The following RTTN variants were observed in gnomAD, a reference collection of about 807,000 sequenced individuals.
The protein encoded by RTTN is rotatin.
RTTN carries 182 observed loss-of-function variants against 269.2 expected under a neutral mutation model. That is an observed-to-expected ratio of 0.68 (90% CI 0.60 to 0.76). RTTN has a LOEUF of 0.76. RTTN is among the 30% of genes least tolerant of loss of function. The pLI is 0.00. For missense variants in RTTN, 2,545 were observed against 2,608.6 expected (o/e 0.98, Z 0.53); for synonymous variants, 1,006 against 963.5 (o/e 1.04, Z -0.82).
intron 28 of RTTN, 128 bp downstream of exon 28, chr18:70,109,370 C>A: frequency 1.6e-6 from 1 of 624,372 alleles, no homozygotes; most frequent in Non-Finnish European, 2.7e-6. Flanking sequence ...AAACATTTCA[C>A]TATTATGACT....
At chr18:70,197,886 T>C (rs749227804) in intron 5 of RTTN, 148 bp from the exon 6 acceptor site, 4 of 607,614 alleles carry the variant, frequency 6.6e-6, no homozygotes, top group Non-Finnish European at 8.8e-6. Flanking sequence ...ATCTTTTCCC[T>C]AACCAATAAA....
chr18:70,133,402 T>A (rs550733651), intron 23 of RTTN, among the ~76,000 whole-genome samples: 1 of 152,240 alleles, frequency 6.6e-6, no homozygotes, highest in African/African-American at 2.4e-5. Flanking sequence ...AACATAAATA[T>A]CCTATATTCC....
Position 70,092,711 on chromosome 18 carries a change from A to C in RTTN, c.3997T>G (p.Leu1333Val). 1 of 1,613,700 alleles carries C rather than the reference A, an allele frequency of 6.2e-7. No individual in the cohort carries two copies. The highest frequency in any genetic ancestry group is 8.5e-7 in the Non-Finnish European group (1 of 1,179,692). The change falls in exon 29 of 49, where the codon TTA (leucine) becomes GTA (valine). Residue 1333 changes from leucine (L) to valine (V), a missense_variant. Physicochemically the swap from Leu to Val is conservative, Grantham distance 32. Transcript: ENST00000640769. Reference sequence around the variant, plus strand: ...GCCTGGGCCATCATCTCATGGGATAAGTGAAGCAAGCAAAGAATTGTGCTC... The same window carrying C: ...GCCTGGGCCATCATCTCATGGGATACGTGAAGCAAGCAAAGAATTGTGCTC... ...TKSTILCLLH[L>V]SHEMMAQAGS...
chr18:70,108,221 G>A (rs980496381), intron 28 of RTTN, among the ~76,000 whole-genome samples: 2 of 151,814 alleles, frequency 1.3e-5, no homozygotes, highest in African/African-American at 4.8e-5. Context: ...AGGTTGCAGT[G>A]AGCTGAGATC....
intron 11 of RTTN, among the ~76,000 whole-genome samples, chr18:70,173,235 C>G (rs1244448471): frequency 6.6e-6 from 1 of 152,034 alleles, no homozygotes; most frequent in African/African-American, 2.4e-5. Context: ...TGGCTCATGC[C>G]TATAATCCCA....
chr18:70,075,306 C>T (rs1334032921), intron 33 of RTTN, 46 bp downstream of exon 33: 1 of 1,311,258 alleles, frequency 7.6e-7, no homozygotes, highest in Non-Finnish European at 1.0e-6. Flanking sequence ...ACAGTTTTTA[C>T]AAGTTACATA....
In RTTN at chr18:70,166,107, T is replaced by C; in HGVS notation, c.1884A>G (p.Pro628=). The part of the protein sequence containing the change: ...VLLHMLSHPL[P]RVKAETYHCC... ...AGTGGTAAGTTTCAGCTTTCACTCGTGGCAATGGGTGAGACAACATATGGA... is the reference window on the plus strand; with the variant it reads ...AGTGGTAAGTTTCAGCTTTCACTCGCGGCAATGGGTGAGACAACATATGGA... The change falls in exon 14 of 49, where the codon CCA becomes CCG. Residue 628 remains proline, a synonymous_variant. Coordinates refer to ENST00000640769, the MANE Select transcript of RTTN (RefSeq NM_173630.4). The C allele has an allele frequency of 6.2e-7, 1 of 1,613,884 alleles. No individual in the cohort carries two copies. Among genetic ancestry groups the C allele is most frequent in the Non-Finnish European group, 8.5e-7 (1 of 1,179,788 alleles).
intron 46 of RTTN, among the ~76,000 whole-genome samples, chr18:70,016,321 A>C (rs1165247003): frequency 6.6e-6 from 1 of 152,240 alleles, no homozygotes; most frequent in African/African-American, 2.4e-5. Flanking sequence ...AAGAGAATGA[A>C]TCTATCTTAA....
chr18:70,177,892 C>T (rs922555039), intron 10 of RTTN, among the ~76,000 whole-genome samples: 2 of 152,022 alleles, frequency 1.3e-5, no homozygotes, highest in African/African-American at 4.8e-5. Context: ...CTCAAAAAAA[C>T]ACAGAATTAT....
chr18:70,122,275 T>A (rs1370754281), intron 25 of RTTN, among the ~76,000 whole-genome samples: 1 of 151,894 alleles, frequency 6.6e-6, no homozygotes, highest in African/African-American at 2.4e-5. Context: ...AAAACTGGTT[T>A]AAGAGAGCTA....
intron 46 of RTTN, among the ~76,000 whole-genome samples, chr18:70,007,225 G>T (rs1407426281): frequency 6.6e-6 from 1 of 152,136 alleles, no homozygotes; most frequent in Non-Finnish European, 1.5e-5. Context: ...GTGCATTCCG[G>T]CCCAGATACT....
Position 70,142,360 on chromosome 18 carries a change from T to C in RTTN, c.2509A>G (p.Ile837Val), listed in dbSNP as rs1417294761. ...KLETVEKVYE[I>V]FTSDDVDLVL... The stretch of plus-strand genomic sequence containing the variant: ...AGATCAACATCATCTGAGGTGAAGA[T>C]TTCATATACCTTTTCAACAGTCTCC... The change falls in exon 19 of 49, where the codon ATC becomes GTC. Residue 837 changes from isoleucine to valine, a missense_variant. Transcript: ENST00000640769. The C allele has an allele frequency of 6.9e-6, 11 of 1,604,480 alleles. No individual in the cohort carries two copies. The highest frequency in any genetic ancestry group is 9.4e-6 in the Non-Finnish European group (11 of 1,176,254).
Position 70,168,934 on chromosome 18 carries a change from T to C in RTTN, c.1610A>G (p.Tyr537Cys), listed in dbSNP as rs771392638. ...CTCTGCAGTTCGTTTATAAATACTG[T>C]AGTTTTCAGAATTCAGCTGTTCCAA... ...AYLEQLNSEN[Y>C]SIYKRTAEAV... Residue 537 changes from tyrosine to cysteine, a missense_variant, in exon 12 of 49, where the codon TAC (tyrosine) becomes TGC (cysteine). Transcript: ENST00000640769. 4.3e-6 allele frequency: 7 copies of C among 1,613,490 alleles called. No homozygotes were observed. The highest frequency in any genetic ancestry group is 5.9e-6 in the Non-Finnish European group (7 of 1,179,766).
intron 14 of RTTN, among the ~76,000 whole-genome samples, chr18:70,161,287 T>C (rs1167701707): frequency 1.3e-5 from 2 of 152,174 alleles, no homozygotes; most frequent in Admixed American, 1.3e-4. Flanking sequence ...AATAACTGGT[T>C]AGGCGTATTC....
chr18:70,148,915 T>C lies in RTTN; in HGVS notation c.2295A>G (p.Leu765=). Residue 765 remains leucine, a synonymous_variant, in exon 17 of 49, where the codon CTA becomes CTG. Coordinates refer to ENST00000640769, the MANE Select transcript of RTTN (RefSeq NM_173630.4). The part of the protein sequence containing the change: ...TRLKSMLRLL[L]VKKPSVRSLA... ...GTTGTACTCACGATGGCTTTTTCAC[T>C]AGCAAAAGTCGCAGCATGGACTTTA... 1 of 1,613,468 alleles carries C rather than the reference T, an allele frequency of 6.2e-7. No individual in the cohort carries two copies. The highest frequency in any genetic ancestry group is 1.1e-5 in the South Asian group (1 of 91,042).
At chr18:70,198,087 T>C (rs2061855994) in intron 5 of RTTN, among the ~76,000 whole-genome samples, 1 of 152,166 alleles carries the variant, frequency 6.6e-6, no homozygotes, top group South Asian at 2.1e-4. Flanking sequence ...TTCTAGGAAA[T>C]CTGCCAAATA....
At chr18:70,084,914 C>T (rs1484747236) in intron 32 of RTTN, among the ~76,000 whole-genome samples, 2 of 152,104 alleles carry the variant, frequency 1.3e-5, no homozygotes, top group African/African-American at 4.8e-5. Context: ...CCACCAGCAA[C>T]AAACAGGAAC....
At chr18:70,122,070 T>G (rs1226265575) in intron 25 of RTTN, among the ~76,000 whole-genome samples, 1 of 151,994 alleles carries the variant, frequency 6.6e-6, no homozygotes, top group Non-Finnish European at 1.5e-5. Context: ...ATGAGAAGAA[T>G]TAGTACTTCA....
At position 70,024,768 on chromosome 18, in the gene RTTN, T is replaced by C. The variant is rs773824712; in HGVS notation, c.5904A>G (p.Gln1968=). 71 of 1,613,958 alleles carry C rather than the reference T, an allele frequency of 4.4e-5. No homozygotes were observed. In the Middle Eastern group the frequency reaches 1.3e-3, roughly 30 times the overall value. Residue 1968 remains glutamine, a synonymous_variant, in exon 44 of 49, where the codon CAA becomes CAG. Coordinates refer to ENST00000640769, the MANE Select transcript of RTTN (RefSeq NM_173630.4). ...PWILMDDSLM[Q]ISLQLLCVYT... is the part of the protein sequence containing the mutation. ...AGACACAAAGGAGCTGCAGAGAAATTTGCATCAATGAATCATCCATCAAAA... is the reference window on the plus strand; with the variant it reads ...AGACACAAAGGAGCTGCAGAGAAATCTGCATCAATGAATCATCCATCAAAA...
Sources: allele counts gnomAD v4.1 joint callset (sites outside exome capture counted in the v4.1 genomes callset), GRCh38; gene constraint gnomAD v4.1.1; transcripts MANE v1.5; gene names NCBI Gene and HGNC (gene_info 2026-07-23, HGNC 2026-07-21).